The following STOX2 variants were observed in gnomAD, a reference collection of about 807,000 sequenced individuals.
STOX2 encodes the protein storkhead-box protein 2.
A neutral mutation model predicts 60.9 loss-of-function variants in STOX2; 28 were observed. That is an observed-to-expected ratio of 0.46 (90% CI 0.34 to 0.63). The LOEUF is 0.63. Ranked by LOEUF, STOX2 falls within the 30% of genes least tolerant of loss-of-function variation. STOX2 has a pLI of 0.01. For synonymous variants in STOX2, 472 were observed against 463.9 expected (o/e 1.02, Z -0.22); for missense variants, 1,024 against 1,187.7 (o/e 0.86, Z 2.03).
intron 1 of STOX2, among the ~76,000 whole-genome samples, chr4:183,931,448 T>C (rs1742420371): frequency 6.6e-6 from 1 of 151,872 alleles, no homozygotes; most frequent in Non-Finnish European, 1.5e-5. Flanking sequence ...CCAAAAAAAC[T>C]GTGGAGCTAC....
intron 1 of STOX2, among the ~76,000 whole-genome samples, chr4:183,989,168 GGT>G (rs1491356275): frequency 4.3e-5 from 4 of 92,548 alleles, no homozygotes; most frequent in African/African-American, 1.1e-4. Flanking sequence ...CATTTTTTCT[GGT>G]TTTTTTTTTT....
chr4:183,800,083 A>G (rs1224102786), intron 1 of STOX2, among the ~76,000 whole-genome samples: 1 of 152,160 alleles, frequency 6.6e-6, no homozygotes, highest in Non-Finnish European at 1.5e-5. Flanking sequence ...GTGGGTTAAA[A>G]ATCTCCACTG....
chr4:183,936,782 G>T (rs964978203), intron 1 of STOX2, among the ~76,000 whole-genome samples: 4 of 152,146 alleles, frequency 2.6e-5, no homozygotes, highest in African/African-American at 9.7e-5. Flanking sequence ...GTCACAGTTT[G>T]TCTTATTTCA....
chr4:183,873,737 A>G (rs11735185), intron 1 of STOX2, among the ~76,000 whole-genome samples: 82,630 of 152,058 alleles, frequency 0.54, 23,079 homozygotes, highest in East Asian at 0.68. Context: ...AATCAGGCAT[A>G]TAATTAGTTT....
Position 183,874,953 on chromosome 4 carries a change from ATATATAT to A in STOX2, c.364+76899_364+76905del, listed in dbSNP as rs1449946129. Among the ~76,000 whole-genome samples, 74 of 24,602 alleles carry A rather than the reference ATATATAT, an allele frequency of 3.0e-3. 1 individual carries two copies. Among genetic ancestry groups the A allele is most frequent in the African/African-American group, 7.5e-3 (45 of 5,994 alleles). The allele number at this position is 24,602 out of a possible 152,430, so 16.1% of individuals were successfully genotyped here. A position where few individuals can be genotyped will look rare whatever the true frequency, so the allele number is the denominator to read the frequency against. On this transcript the variant is annotated intron_variant, in intron 1 of 2. Transcript: ENST00000513034. ...AAAAAAAAAAAAAAAAAAAAAAAAA[ATATATAT>A]ATATATATATATATATATATATATA...
intron 1 of STOX2, among the ~76,000 whole-genome samples, chr4:183,866,724 T>C (rs1402988891): frequency 6.6e-6 from 1 of 152,078 alleles, no homozygotes; most frequent in African/African-American, 2.4e-5. Flanking sequence ...TTGGAGCTCC[T>C]AGACAGGTGC....
chr4:183,967,799 A>T (rs999101663), intron 1 of STOX2, among the ~76,000 whole-genome samples: 1 of 152,226 alleles, frequency 6.6e-6, no homozygotes, highest in Non-Finnish European at 1.5e-5. Context: ...GAAAGTATGA[A>T]AATGTTAAAA....
At chr4:183,853,006 G>A (rs1405936804) in intron 1 of STOX2, among the ~76,000 whole-genome samples, 1 of 152,206 alleles carries the variant, frequency 6.6e-6, no homozygotes, top group African/African-American at 2.4e-5. Context: ...TTTGGAGTGG[G>A]AAAGGCAGTA....
rs763507785 is a variant in STOX2 at position 184,010,421 on chromosome 4, T to C, written c.1583T>C (p.Ile528Thr). 80 of 1,613,690 alleles carry C rather than the reference T, an allele frequency of 5.0e-5. No individual in the cohort carries two copies. The highest frequency in any genetic ancestry group is 6.6e-5 in the South Asian group (6 of 90,982). ...GACCAGACCCCCAGCCAATCCTACA[T>C]TGACGACAGTACTTTAAGGCCTGCA... ...QDDQTPSQSY[I>T]DDSTLRPAQT... Residue 528 changes from isoleucine (I) to threonine (T), a missense_variant, in exon 3 of 4, where the codon ATT becomes ACT. Ile to Thr is a moderately conservative substitution (Grantham distance 89, BLOSUM62 -1). This residue lies in a region of STOX2 where 922 missense variants were observed against 1,058.3 expected (regional missense o/e 0.87). Transcript: ENST00000308497. This position sits in a 1 kb window ranked among gnomAD's most constrained non-coding sequence, Gnocchi z 4.5.
At chr4:183,945,251 C>T (rs766502425) in intron 1 of STOX2, among the ~76,000 whole-genome samples, 17 of 151,996 alleles carry the variant, frequency 1.1e-4, no homozygotes, top group Non-Finnish European at 2.1e-4. Context: ...AAAAAGGGAA[C>T]GTAGGAGAAT....
In STOX2 at chr4:184,022,106, A is replaced by C. The variant is rs778212649; in HGVS notation, c.*4822A>C. 1 of 152,220 alleles carries C rather than the reference A, an allele frequency of 6.6e-6. No homozygotes were observed. The highest frequency in any genetic ancestry group is 1.5e-5 in the Non-Finnish European group (1 of 68,044). The allele number at this position is 152,220 out of a possible 1,614,324, so 9.4% of individuals were successfully genotyped here. A position where few individuals can be genotyped will look rare whatever the true frequency, so the allele number is the denominator to read the frequency against. On this transcript the variant is annotated 3_prime_UTR_variant, in exon 4 of 4. Coordinates refer to ENST00000308497, the MANE Select transcript of STOX2 (RefSeq NM_020225.3). ...GGTTAGTAAAATGTGGGCAGGACAA[A>C]GATTACTATTGGTCTGAGCTTTGCC...
At chr4:183,892,543 G>A (rs1472513079) in intron 1 of STOX2, among the ~76,000 whole-genome samples, 2 of 152,146 alleles carry the variant, frequency 1.3e-5, no homozygotes, top group Non-Finnish European at 2.9e-5. Flanking sequence ...GCTTCCCAAA[G>A]TGCTGGGATT....
rs1739307604 is a variant in STOX2 at position 183,821,751 on chromosome 4, C to G, written c.364+23696C>G. Among the ~76,000 whole-genome samples, 1 of 152,224 alleles carries G rather than the reference C, an allele frequency of 6.6e-6. No homozygotes were observed. Among genetic ancestry groups the G allele is most frequent in the South Asian group, 2.1e-4 (1 of 4,834 alleles). On this transcript the variant is annotated intron_variant, in intron 1 of 2. Transcript: ENST00000513034. This position sits in a 1 kb window ranked among gnomAD's most constrained non-coding sequence, Gnocchi z 4.2. ...GGGGAGGGGAGGGGTCCCTGCTGCT[C>G]CAGCAGCCTCCCCCTCCACATCCCT...
Position 184,010,089 on chromosome 4 carries a change from A to C in STOX2, c.1251A>C (p.Lys417Asn). The change falls in exon 3 of 4, where the codon AAA (lysine) becomes AAC (asparagine). Residue 417 changes from lysine (K) to asparagine (N), a missense_variant. Physicochemically the swap from Lys to Asn is moderately conservative, Grantham distance 94 (BLOSUM62 0). Transcript: ENST00000308497. This position sits in a 1 kb window ranked among gnomAD's most constrained non-coding sequence, Gnocchi z 4.5. ...AGGGCTGCTTCATCATTGAACACAA[A>C]GGAGATAACTTCATCATGCACAGCA... ...PREGCFIIEH[K>N]GDNFIMHSNT... 1 of 1,607,260 alleles carries C rather than the reference A, an allele frequency of 6.2e-7. No individual in the cohort carries two copies. The highest frequency in any genetic ancestry group is 8.5e-7 in the Non-Finnish European group (1 of 1,176,682).
At position 183,906,686 on chromosome 4, in the gene STOX2, G is replaced by T; in HGVS notation, c.-105G>T. On this transcript the variant is annotated 5_prime_UTR_variant, in exon 1 of 4. Transcript: ENST00000308497. ...CGACGAGGAGGGGCTGGGAAAATGT[G>T]CGCAGAGTCCGCCCGGGTCGTGCCC... The T allele has an allele frequency of 7.9e-7, 1 of 1,264,026 alleles. No homozygotes were observed. The highest frequency in any genetic ancestry group is 1.1e-6 in the Non-Finnish European group (1 of 943,198). The allele number at this position is 1,264,026 out of a possible 1,614,324, so 78.3% of individuals were successfully genotyped here. A position where few individuals can be genotyped will look rare whatever the true frequency, so the allele number is the denominator to read the frequency against.
In STOX2 at chr4:183,906,196, G is replaced by C. The variant is rs1741592340; in HGVS notation, c.-595G>C. The C allele has an allele frequency of 6.6e-6, 1 of 152,342 alleles. No individual in the cohort carries two copies. Among genetic ancestry groups the C allele is most frequent in the Admixed American group, 6.5e-5 (1 of 15,294 alleles). 9.4% of individuals were successfully genotyped at this position (152,342 alleles called of 1,614,324 possible). The stretch of plus-strand genomic sequence containing the variant: ...GAGCCAGCCAGCGCCGGGGACTGCG[G>C]GCCGTGCGGCTGATAGGCCCGCGGG... On this transcript the variant is annotated 5_prime_UTR_variant, in exon 1 of 4. Coordinates refer to ENST00000308497, the MANE Select transcript of STOX2 (RefSeq NM_020225.3).
chr4:183,824,530 G>A (rs73010532), intron 1 of STOX2, among the ~76,000 whole-genome samples: 9,727 of 152,016 alleles, frequency 0.064, 997 homozygotes, highest in African/African-American at 0.22. Flanking sequence ...TGATTCGTGT[G>A]CCCTAAAACT....
At chr4:183,998,016 A>C (rs1327668793) in intron 1 of STOX2, among the ~76,000 whole-genome samples, 1 of 152,208 alleles carries the variant, frequency 6.6e-6, no homozygotes, top group Non-Finnish European at 1.5e-5. Flanking sequence ...CAAAGCAGTT[A>C]ATTAATTTTG....
intron 1 of STOX2, among the ~76,000 whole-genome samples, chr4:183,875,554 G>A (rs77423529): frequency 0.011 from 1,639 of 152,320 alleles, 32 homozygotes; most frequent in African/African-American, 0.038. Flanking sequence ...GGTGGAGCGG[G>A]CTTTGCAGCC....
Sources: gnomAD v4.1 joint callset for allele counts (sites outside exome capture counted in the v4.1 genomes callset) on GRCh38, gnomAD v4.1.1 for gene constraint, gnomAD v4.1.1 regional missense constraint, Gnocchi (gnomAD v3.1) non-coding constraint, MANE v1.5 for transcripts, NCBI Gene and HGNC (gene_info 2026-07-23, HGNC 2026-07-21) for gene names.